Variants in EXOC6B observed in about 807,000 individuals in gnomAD.
EXOC6B encodes exocyst complex component 6B, also known as SEC15 homolog B.
Under a neutral mutation model 113.5 loss-of-function variants are expected in EXOC6B, and 54 were observed. That is an observed-to-expected ratio of 0.48 (90% CI 0.38 to 0.60). The LOEUF is 0.60. EXOC6B is among the 20% of genes least tolerant of loss of function. The pLI, the probability that EXOC6B is intolerant of heterozygous loss-of-function variation, is 0.00. For missense variants in EXOC6B, 797 were observed against 977.5 expected (o/e 0.82, Z 2.46); for synonymous variants, 357 against 339.0 (o/e 1.05, Z -0.58).
chr2:72,818,697 A>G (rs951363141), intron 1 of EXOC6B, among the ~76,000 whole-genome samples: 9 of 152,176 alleles, frequency 5.9e-5, no homozygotes, highest in Admixed American at 6.5e-5. Flanking sequence ...GTACCTTTCC[A>G]TAACATTTAG....
intron 21 of EXOC6B, 106 bp from the exon 22 acceptor site, chr2:72,179,567 T>C: frequency 3.1e-6 from 4 of 1,311,408 alleles, no homozygotes; most frequent in Non-Finnish European, 4.3e-6. Context: ...CTACCCAGAG[T>C]AATGAGAGAG....
At position 72,500,560 on chromosome 2, in the gene EXOC6B, T is replaced by C. The variant is rs79348510; in HGVS notation, c.1168-588A>G. Among the ~76,000 whole-genome samples the C allele has an allele frequency of 6.6e-5, 10 of 151,186 alleles. No individual in the cohort carries two copies. The East Asian group carries it at 2.0e-3, about 30-fold the overall frequency. ...AAATAAAATCAATTAAATAAACAAA[T>C]CTTAGACAAAATTGATTAAACAATA... On this transcript the variant is annotated intron_variant, in intron 11 of 21. Transcript: ENST00000272427.
At chr2:72,216,009 G>GT (rs1680509458) in intron 20 of EXOC6B, among the ~76,000 whole-genome samples, 1 of 152,020 alleles carries the variant, frequency 6.6e-6, no homozygotes, top group Non-Finnish European at 1.5e-5. Context: ...AAAAACCCTT[G>GT]TATCTATGGG....
intron 6 of EXOC6B, among the ~76,000 whole-genome samples, chr2:72,637,204 C>G (rs144735525): frequency 6.6e-4 from 100 of 151,988 alleles, no homozygotes; most frequent in African/African-American, 2.3e-3. Flanking sequence ...TCATGAATTG[C>G]GAGACTAAAT....
chr2:72,822,789 G>A (rs1438675049), intron 1 of EXOC6B, among the ~76,000 whole-genome samples: 1 of 152,092 alleles, frequency 6.6e-6, no homozygotes. Flanking sequence ...CCTTTACAAT[G>A]TTACCTCAAA....
chr2:72,752,753 TATTA>T (rs772194129), intron 1 of EXOC6B, among the ~76,000 whole-genome samples: 1 of 152,138 alleles, frequency 6.6e-6, no homozygotes, highest in East Asian at 1.9e-4. Context: ...AATAAAAGAC[TATTA>T]ATTGTCAAAT....
intron 21 of EXOC6B, among the ~76,000 whole-genome samples, chr2:72,181,000 G>C (rs1375541649): frequency 1.3e-5 from 2 of 152,010 alleles, no homozygotes; most frequent in African/African-American, 4.8e-5. Flanking sequence ...ATGAGGTCAG[G>C]AGATCAAGAC....
intron 6 of EXOC6B, among the ~76,000 whole-genome samples, chr2:72,680,543 A>G (rs1676624287): frequency 6.6e-6 from 1 of 152,162 alleles, no homozygotes; most frequent in African/African-American, 2.4e-5. Context: ...GTTTGAGACC[A>G]GCCTAGCCAA....
At chr2:72,384,085 A>G (rs550737753) in intron 18 of EXOC6B, among the ~76,000 whole-genome samples, 1 of 152,240 alleles carries the variant, frequency 6.6e-6, no homozygotes, top group African/African-American at 2.4e-5. Flanking sequence ...TAATCTGTAC[A>G]CCAAACCCTC....
intron 19 of EXOC6B, among the ~76,000 whole-genome samples, chr2:72,370,377 G>C (rs2105023747): frequency 6.6e-6 from 1 of 152,300 alleles, no homozygotes; most frequent in East Asian, 1.9e-4. Context: ...TGCTGGAGAG[G>C]ATGTGGAGAA....
chr2:72,574,221 A>G (rs1704689884), intron 7 of EXOC6B, among the ~76,000 whole-genome samples: 1 of 152,142 alleles, frequency 6.6e-6, no homozygotes, highest in African/African-American at 2.4e-5. Flanking sequence ...TTTGTTTTTC[A>G]GCTCAAATAG....
intron 10 of EXOC6B, 85 bp downstream of exon 10, chr2:72,514,549 C>T: frequency 4.5e-6 from 1 of 222,738 alleles, no homozygotes; most frequent in South Asian, 1.6e-4. Flanking sequence ...ACATTCACAA[C>T]TCTATGTATG....
intron 6 of EXOC6B, among the ~76,000 whole-genome samples, chr2:72,587,209 A>G (rs1705647452): frequency 6.6e-6 from 1 of 152,232 alleles, no homozygotes; most frequent in South Asian, 2.1e-4. Flanking sequence ...TGTGGTACAT[A>G]TACATCATGG....
intron 20 of EXOC6B, among the ~76,000 whole-genome samples, chr2:72,314,226 A>G (rs1558548589): frequency 6.6e-6 from 1 of 152,064 alleles, no homozygotes; most frequent in South Asian, 2.1e-4. Flanking sequence ...GACACTTATT[A>G]TCCTGGGTTG....
At chr2:72,501,095 T>G (rs1387774696) in intron 11 of EXOC6B, among the ~76,000 whole-genome samples, 1 of 152,220 alleles carries the variant, frequency 6.6e-6, no homozygotes, top group African/African-American at 2.4e-5. Flanking sequence ...AATCTTAATA[T>G]ATGAATATCT....
At chr2:72,609,681 G>GA (rs1390915538) in intron 6 of EXOC6B, among the ~76,000 whole-genome samples, 4 of 151,656 alleles carry the variant, frequency 2.6e-5, no homozygotes, top group African/African-American at 4.8e-5. Flanking sequence ...AGATAAAGTA[G>GA]AAAAAAATAT....
intron 6 of EXOC6B, among the ~76,000 whole-genome samples, chr2:72,670,042 C>T (rs1675684317): frequency 6.6e-6 from 1 of 152,158 alleles, no homozygotes; most frequent in Non-Finnish European, 1.5e-5. Flanking sequence ...TTTCATAACT[C>T]TACAAAAGTT....
At chr2:72,422,298 G>T (rs1159589484) in intron 18 of EXOC6B, among the ~76,000 whole-genome samples, 1 of 152,240 alleles carries the variant, frequency 6.6e-6, no homozygotes, top group Non-Finnish European at 1.5e-5. Flanking sequence ...CCTGAGTCTG[G>T]TGGGGACGTT....
At chr2:72,346,807 T>C (rs907011311) in intron 19 of EXOC6B, among the ~76,000 whole-genome samples, 5 of 152,154 alleles carry the variant, frequency 3.3e-5, no homozygotes, top group African/African-American at 1.2e-4. Flanking sequence ...GCAGGCTATA[T>C]GGCATTGGAT....
Sources: allele counts gnomAD v4.1 joint callset (sites outside exome capture counted in the v4.1 genomes callset), GRCh38; gene constraint gnomAD v4.1.1; transcripts MANE v1.5; gene names NCBI Gene and HGNC (gene_info 2026-07-23, HGNC 2026-07-21).